Variants in INPP4A observed in about 807,000 individuals in gnomAD.
INPP4A encodes inositol polyphosphate-4-phosphatase, type I, 107kD.
Under a neutral mutation model 119.8 loss-of-function variants are expected in INPP4A, and 33 were observed. The observed-to-expected ratio is 0.28, with a 90% CI of 0.21 to 0.37. The LOEUF (loss-of-function observed/expected upper bound fraction) is 0.37. Among genes scored for constraint, INPP4A ranks in the 10% least tolerant of loss-of-function variants. The pLI is 1.00. For synonymous variants in INPP4A, 496 were observed against 500.7 expected, an observed-to-expected ratio of 0.99 and a Z score of 0.12; for missense variants, 956 against 1,289.9, an observed-to-expected ratio of 0.74 and a Z score of 3.97.
chr2:98,571,614 G>C (rs1252190215), intron 22 of INPP4A, among the ~76,000 whole-genome samples: 1 of 152,232 alleles, frequency 6.6e-6, no homozygotes, highest in Non-Finnish European at 1.5e-5. Flanking sequence ...TAGTCGACTG[G>C]ACCATGACCC....
chr2:98,528,974 A>G (rs1257529053), intron 4 of INPP4A, among the ~76,000 whole-genome samples: 1 of 151,390 alleles, frequency 6.6e-6, no homozygotes, highest in Non-Finnish European at 1.5e-5. Flanking sequence ...GCTACTCGGG[A>G]GGCTGAGGCA....
chr2:98,593,288 T>G lies in INPP4A; in HGVS notation c.*5680T>G, dbSNP rs1271728031. On this transcript the variant is annotated 3_prime_UTR_variant, in exon 25 of 25. Transcript: ENST00000409851. ...TCTCCATGGCTCCAAAGAGGATGCCTGTGTTAGATGGATGTAGACAGACAC... is the reference window on the plus strand; with the variant it reads ...TCTCCATGGCTCCAAAGAGGATGCCGGTGTTAGATGGATGTAGACAGACAC... 3 of 152,434 alleles carry G rather than the reference T, an allele frequency of 2.0e-5. No homozygotes were observed. Among genetic ancestry groups the G allele is most frequent in the African/African-American group, 7.2e-5 (3 of 41,466 alleles). The allele number at this position is 152,434 out of a possible 1,614,324, so 9.4% of individuals were successfully genotyped here. A position where few individuals can be genotyped will look rare whatever the true frequency, so the allele number is the denominator to read the frequency against.
At chr2:98,579,880 A>G (rs928026912) in intron 24 of INPP4A, among the ~76,000 whole-genome samples, 6 of 152,276 alleles carry the variant, frequency 3.9e-5, no homozygotes, top group African/African-American at 1.2e-4. Context: ...AACAAAACAA[A>G]GCTCAATCCT....
At chr2:98,493,903 G>A (rs1052655611) in intron 1 of INPP4A, among the ~76,000 whole-genome samples, 3 of 152,212 alleles carry the variant, frequency 2.0e-5, no homozygotes, top group Non-Finnish European at 4.4e-5. Flanking sequence ...GTTAGGGGCT[G>A]TGTGGACTTG....
chr2:98,529,334 T>C (rs79056698), intron 4 of INPP4A, among the ~76,000 whole-genome samples: 2,353 of 152,290 alleles, frequency 0.015, 69 homozygotes, highest in African/African-American at 0.054. Context: ...CAGTGGTTTC[T>C]TGGGGGACCA....
At chr2:98,530,199 GAAAA>G (rs796205802) in intron 4 of INPP4A, among the ~76,000 whole-genome samples, 5 of 130,838 alleles carry the variant, frequency 3.8e-5, no homozygotes, top group Non-Finnish European at 6.6e-5. Flanking sequence ...TAGAAAAAGT[GAAAA>G]AAAAAAAAAA....
chr2:98,568,823 G>C (rs1696940094), intron 22 of INPP4A, 155 bp downstream of exon 22: 1 of 599,414 alleles, frequency 1.7e-6, no homozygotes, highest in African/African-American at 1.9e-5. Context: ...CAGAGAGAGA[G>C]AGAGAAGCTT....
At position 98,590,081 on chromosome 2, in the gene INPP4A, T is replaced by C. The variant is rs1700287036; in HGVS notation, c.*2473T>C. On this transcript the variant is annotated 3_prime_UTR_variant, in exon 25 of 25. Coordinates refer to ENST00000409851, the MANE Select transcript of INPP4A (RefSeq NM_001134225.2). ...AGTTACTGTTTTATATATTCTTAGG[T>C]CATTCAAAGCCATGTATGCTGTAAA... 5 of 192,842 alleles carry C rather than the reference T, an allele frequency of 2.6e-5. No individual in the cohort carries two copies. In the East Asian group the frequency reaches 4.1e-4, roughly 16 times the overall value. The allele number at this position is 192,842 out of a possible 1,614,324, so 11.9% of individuals were successfully genotyped here. A position where few individuals can be genotyped will look rare whatever the true frequency, so the allele number is the denominator to read the frequency against.
chr2:98,488,947 G>C (rs1267563879), intron 1 of INPP4A, among the ~76,000 whole-genome samples: 2 of 148,072 alleles, frequency 1.4e-5, no homozygotes, highest in Admixed American at 6.7e-5. Flanking sequence ...GTGTGTGTGT[G>C]TGTGTGTGTG....
In INPP4A at chr2:98,581,500, G is replaced by A. The variant is rs984040447; in HGVS notation, c.2786+4357G>A. The stretch of plus-strand genomic sequence containing the variant: ...TCCTTTTTGATAAAATCCATCGCAT[G>A]TGTCTTCTTTTTTTCTTTATTTTCT... On this transcript the variant is annotated intron_variant, in intron 24 of 24. Coordinates refer to ENST00000409851, the MANE Select transcript of INPP4A (RefSeq NM_001134225.2). 3.6e-6 allele frequency: 5 copies of A among 1,381,210 alleles called. No homozygotes were observed. In the East Asian group the frequency reaches 1.1e-4, roughly 30 times the overall value. The allele number at this position is 1,381,210 out of a possible 1,614,324, so 85.6% of individuals were successfully genotyped here.
chr2:98,555,466 G>A lies in INPP4A; in HGVS notation c.1567-87G>A, dbSNP rs529248005. On this transcript the variant is annotated intron_variant, in intron 15 of 24. Coordinates refer to ENST00000409851, the MANE Select transcript of INPP4A (RefSeq NM_001134225.2). ...TAACAAGTGTGGAAGCCTAGGGCAGGGGATCAGTGGAGGGCGATTTGGTTT... is the reference window on the plus strand; with the variant it reads ...TAACAAGTGTGGAAGCCTAGGGCAGAGGATCAGTGGAGGGCGATTTGGTTT... 4.3e-6 allele frequency: 6 copies of A among 1,393,770 alleles called. 1 individual carries two copies. In the South Asian group the frequency reaches 7.3e-5, roughly 17 times the overall value. The allele number at this position is 1,393,770 out of a possible 1,614,324, so 86.3% of individuals were successfully genotyped here.
intron 1 of INPP4A, among the ~76,000 whole-genome samples, chr2:98,458,016 G>C (rs1240523484): frequency 7.6e-6 from 1 of 131,672 alleles, no homozygotes; most frequent in African/African-American, 2.9e-5. Flanking sequence ...ATGAGGTCTT[G>C]TTATGTTGCC....
At chr2:98,497,510 G>A (rs1682247028) in intron 1 of INPP4A, among the ~76,000 whole-genome samples, 1 of 152,220 alleles carries the variant, frequency 6.6e-6, no homozygotes, top group African/African-American at 2.4e-5. Flanking sequence ...AAAGGAGCCA[G>A]GAGGGGGACT....
In INPP4A at chr2:98,554,518, AC is replaced by A. The variant is rs1186402078; in HGVS notation, c.1566+30del. On this transcript the variant is annotated intron_variant, in intron 15 of 24. Transcript: ENST00000409851. This position sits in a 1 kb window ranked among gnomAD's most constrained non-coding sequence, Gnocchi z 4.7. ...AGTCTGCTGCTGTGGCTGTCATCCC[AC>A]TGCTGAACTTGGGCTGAAAACCACA... 1 of 1,594,378 alleles carries A rather than the reference AC, an allele frequency of 6.3e-7. No homozygotes were observed. The highest frequency in any genetic ancestry group is 8.6e-7 in the Non-Finnish European group (1 of 1,166,784).
intron 10 of INPP4A, among the ~76,000 whole-genome samples, chr2:98,540,262 T>G (rs1691168018): frequency 6.6e-6 from 1 of 152,180 alleles, no homozygotes; most frequent in African/African-American, 2.4e-5. Context: ...CCCCTCTCAC[T>G]GGTCCTTCAG....
At chr2:98,585,623 C>T (rs761895261) in intron 24 of INPP4A, among the ~76,000 whole-genome samples, 3 of 152,186 alleles carry the variant, frequency 2.0e-5, no homozygotes, top group Non-Finnish European at 4.4e-5. Flanking sequence ...CTTGCCAGCT[C>T]GTCCGCACAG....
chr2:98,514,914 C>T (rs1303213650), intron 1 of INPP4A, among the ~76,000 whole-genome samples: 2 of 146,294 alleles, frequency 1.4e-5, no homozygotes, highest in Non-Finnish European at 3.0e-5. Context: ...GACCCTGTCT[C>T]TAAAAGCTGG....
At chr2:98,483,033 T>C (rs963791823) in intron 1 of INPP4A, among the ~76,000 whole-genome samples, 1 of 152,228 alleles carries the variant, frequency 6.6e-6, no homozygotes, top group African/African-American at 2.4e-5. Context: ...TAACCACTTC[T>C]GGTGTCAAGT....
At chr2:98,553,751 A>T (rs954702214) in intron 14 of INPP4A, among the ~76,000 whole-genome samples, 1 of 152,266 alleles carries the variant, frequency 6.6e-6, no homozygotes, top group Non-Finnish European at 1.5e-5. Context: ...CAGCAGTAAC[A>T]TTATGAACCA....
Sources: gnomAD v4.1 joint callset for allele counts (sites outside exome capture counted in the v4.1 genomes callset) on GRCh38, gnomAD v4.1.1 for gene constraint, Gnocchi (gnomAD v3.1) non-coding constraint, MANE v1.5 for transcripts, NCBI Gene and HGNC (gene_info 2026-07-23, HGNC 2026-07-21) for gene names.